Variants in PPEF1 observed in about 807,000 individuals in gnomAD.
PPEF1 encodes serine/threonine-protein phosphatase with EF-hands 1.
In PPEF1, 12 loss-of-function variants were observed where a neutral mutation model predicts 53.3. That is an observed-to-expected ratio of 0.23 (90% confidence interval 0.14 to 0.36). The LOEUF (loss-of-function observed/expected upper bound fraction) is 0.36, where lower values mean the gene tolerates loss of function less well. Ranked by LOEUF, PPEF1 falls within the 10% of genes least tolerant of loss-of-function variation. The pLI is 1.00. For missense variants in PPEF1, 334 were observed against 490.4 expected, an observed-to-expected ratio of 0.68 and a Z score of 3.01; for synonymous variants, 165 against 176.7, an observed-to-expected ratio of 0.93 and a Z score of 0.52.
At chrX:18,737,778 C>T (rs5955638) in intron 3 of PPEF1, among the ~76,000 whole-genome samples, 2 of 108,597 alleles carry the variant, frequency 1.8e-5, no homozygotes, top group Admixed American at 2.0e-4. Context: ...GTAGGTCACT[C>T]AGGACTTGCT....
intron 4 of PPEF1, among the ~76,000 whole-genome samples, chrX:18,755,518 G>C (rs1229584601): frequency 8.9e-6 from 1 of 112,286 alleles, no homozygotes; most frequent in Non-Finnish European, 1.9e-5. Flanking sequence ...AGTGAGCCGA[G>C]ATCGTGCCAC....
At chrX:18,684,623 CTT>C (rs746217885) in intron 1 of PPEF1, among the ~76,000 whole-genome samples, 10 of 100,691 alleles carry the variant, frequency 9.9e-5, no homozygotes, top group East Asian at 3.0e-4. Context: ...TTCTCTCTCT[CTT>C]TTTTTTTTTT....
In PPEF1 at chrX:18,784,021, T is replaced by A. The variant is rs2046149749; in HGVS notation, c.885T>A (p.Asn295Lys). Reference sequence around the variant, plus strand: ...GGATATCAGAGACCACAGACTTGAATTTACTCCACCGTGTAGAGAGGAACA... The same window carrying A: ...GGATATCAGAGACCACAGACTTGAAATTACTCCACCGTGTAGAGAGGAACA... ...HGGISETTDL[N>K]LLHRVERNKM... Residue 295 changes from asparagine (N) to lysine (K), a missense_variant, in exon 9 of 16, where the codon AAT becomes AAA. Physicochemically the swap from Asn to Lys is moderately conservative, Grantham distance 94. Transcript: ENST00000470157. 2 of 1,208,302 alleles carry A rather than the reference T, an allele frequency of 1.7e-6. No homozygotes were observed. Among genetic ancestry groups the A allele is most frequent in the Non-Finnish European group, 2.2e-6 (2 of 894,020 alleles).
At position 18,815,716 on chromosome X, in the gene PPEF1, T is replaced by G. The variant is rs191838239; in HGVS notation, c.1395-2323T>G. ...AGAAATTTGAGTCTTTTTTCTTTTT[T>G]TTCTTGGACATTCTAAAAGTTTGAC... On this transcript the variant is annotated intron_variant, in intron 12 of 15. Transcript: ENST00000470157. Among the ~76,000 whole-genome samples, 7 of 111,008 alleles carry G rather than the reference T, an allele frequency of 6.3e-5. No homozygotes were observed. The East Asian group carries it at 2.0e-3, about 31-fold the overall frequency.
At chrX:18,819,096 C>G (rs1018514463) in intron 13 of PPEF1, among the ~76,000 whole-genome samples, 6 of 111,304 alleles carry the variant, frequency 5.4e-5, no homozygotes, top group African/African-American at 2.0e-4. Context: ...ACTCACGTAT[C>G]CAGAGATTAA....
At chrX:18,690,752 G>C (rs1470861477) in intron 3 of PPEF1, among the ~76,000 whole-genome samples, 1 of 112,422 alleles carries the variant, frequency 8.9e-6, no homozygotes, top group Non-Finnish European at 1.9e-5. Flanking sequence ...AAAAATAGTT[G>C]ATAAGGAGGC....
intron 4 of PPEF1, among the ~76,000 whole-genome samples, chrX:18,751,057 C>A: frequency 9.0e-6 from 1 of 111,657 alleles, no homozygotes; most frequent in Non-Finnish European, 1.9e-5. Flanking sequence ...TATAAGAGTT[C>A]TTTCTGGATA....
chrX:18,679,641 C>A (rs934344307), upstream of PPEF1, among the ~76,000 whole-genome samples: 5 of 111,504 alleles, frequency 4.5e-5, no homozygotes, highest in Non-Finnish European at 9.4e-5. Flanking sequence ...CCCTTTCCCC[C>A]CTACAGACTA....
Position 18,735,510 on chromosome X carries a change from A to G in PPEF1, c.235+1702A>G, listed in dbSNP as rs2044955380. On this transcript the variant is annotated intron_variant, in intron 3 of 15. Transcript: ENST00000470157. ...ATGTCTCTGTTTTGGTACCAGTACC[A>G]TGCTGTTTTGGTTACTGTAGCCTTG... 2.7e-5 allele frequency among the ~76,000 whole-genome samples: 3 copies of G among 111,985 alleles called. No homozygotes were observed. In the Admixed American group the frequency reaches 2.9e-4, roughly 11 times the overall value.
At chrX:18,713,420 CTTTTTTT>C (rs55997147) in intron 1 of PPEF1, among the ~76,000 whole-genome samples, 4,224 of 77,489 alleles carry the variant, frequency 0.055, 261 homozygotes, top group African/African-American at 0.19. Context: ...CCTTAAAATT[CTTTTTTT>C]TTTTTTTTTT....
At chrX:18,708,854 T>A (rs2044259947) in intron 1 of PPEF1, among the ~76,000 whole-genome samples, 1 of 111,416 alleles carries the variant, frequency 9.0e-6, no homozygotes, top group Non-Finnish European at 1.9e-5. Context: ...ATCTGAACTC[T>A]ACTGCTGTAG....
intron 12 of PPEF1, among the ~76,000 whole-genome samples, chrX:18,810,034 A>T: frequency 9.2e-6 from 1 of 108,974 alleles, no homozygotes. Flanking sequence ...GCCAGTTATA[A>T]ATATGTTATA....
upstream of PPEF1, among the ~76,000 whole-genome samples, chrX:18,702,778 A>G (rs1489790949): frequency 9.0e-6 from 1 of 110,935 alleles, no homozygotes; most frequent in Admixed American, 9.7e-5. Context: ...AGTGCCAATG[A>G]TGAGTCATTA....
intron 1 of PPEF1, among the ~76,000 whole-genome samples, chrX:18,719,033 T>C (rs1221248855): frequency 8.9e-6 from 1 of 112,366 alleles, no homozygotes; most frequent in Non-Finnish European, 1.9e-5. Flanking sequence ...AAGGTTATTA[T>C]TGAATTATTG....
chrX:18,702,334 G>A (rs887236743), intron 6 of PPEF1, among the ~76,000 whole-genome samples: 3 of 109,999 alleles, frequency 2.7e-5, no homozygotes, highest in African/African-American at 9.9e-5. Context: ...GTTGGTATCA[G>A]TTGAATGACT....
chrX:18,760,659 G>C (rs773325328), intron 5 of PPEF1, among the ~76,000 whole-genome samples: 3 of 110,455 alleles, frequency 2.7e-5, no homozygotes, highest in Non-Finnish European at 3.8e-5. Flanking sequence ...CCAGGCTGGA[G>C]TGTGGTGGCA....
chrX:18,788,441 C>G (rs185894373), intron 9 of PPEF1, among the ~76,000 whole-genome samples: 111 of 108,107 alleles, frequency 1.0e-3, no homozygotes, highest in Middle Eastern at 5.1e-3. Flanking sequence ...TACAAAGAAA[C>G]AAGTATAAAA....
At chrX:18,746,866 A>G (rs758820877) in intron 3 of PPEF1, among the ~76,000 whole-genome samples, 84 of 111,894 alleles carry the variant, frequency 7.5e-4, no homozygotes, top group African/African-American at 2.3e-3. Context: ...TACATGCTGT[A>G]CCCCATTTTC....
upstream of PPEF1, among the ~76,000 whole-genome samples, chrX:18,680,425 T>TTC (rs1433415089): frequency 3.0e-5 from 2 of 66,902 alleles, no homozygotes; most frequent in African/African-American, 1.4e-4. Flanking sequence ...ACTAAATTTC[T>TTC]TCTCTTTTTT....
Sources: allele counts gnomAD v4.1 joint callset (sites outside exome capture counted in the v4.1 genomes callset), GRCh38; gene constraint gnomAD v4.1.1; transcripts MANE v1.5; gene names NCBI Gene and HGNC (gene_info 2026-07-23, HGNC 2026-07-21).